Variants in ANKRD44 observed in about 807,000 individuals in gnomAD.
The protein encoded by ANKRD44 is ankyrin repeat domain 44, also known as serine/threonine-protein phosphatase 6 regulatory ankyrin repeat subunit B.
A neutral mutation model predicts 116.0 loss-of-function variants in ANKRD44; 35 were observed. The ratio of observed to expected loss-of-function variants is 0.30; its 90% CI spans 0.23 to 0.40. ANKRD44 has a LOEUF of 0.40. ANKRD44 is among the 10% of genes least tolerant of loss of function. The pLI, the probability that ANKRD44 is intolerant of heterozygous loss-of-function variation, is 1.00. For synonymous variants in ANKRD44, 435 were observed against 461.8 expected (o/e 0.94, Z 0.74); for missense variants, 1,014 against 1,242.6 (o/e 0.82, Z 2.77).
rs775989103 is a variant in ANKRD44, at chr2:197,007,910, G to C, written c.2026C>G (p.Leu676Val). The change falls in exon 20 of 28, where the codon CTT (leucine) becomes GTT (valine). Residue 676 changes from leucine (L) to valine (V), a missense_variant. Transcript: ENST00000282272. Reference protein sequence around the residue: ...KDAKGQTPLMLAVAYGHIDAV... With the variant: ...KDAKGQTPLMVAVAYGHIDAV... Reference sequence around the variant, plus strand: ...TCAATATGTCCATATGCTACTGCAAGCATCAGTGGTGTTCTAGGCAGAGAG... The same window carrying C: ...TCAATATGTCCATATGCTACTGCAACCATCAGTGGTGTTCTAGGCAGAGAG... The C allele has an allele frequency of 2.5e-6, 4 of 1,613,396 alleles. No homozygotes were observed. The highest frequency in any genetic ancestry group is 3.4e-6 in the Non-Finnish European group (4 of 1,179,450).
At chr2:197,051,785 TTGGCAGTG>T (rs1559022783) in intron 16 of ANKRD44, among the ~76,000 whole-genome samples, 1 of 152,032 alleles carries the variant, frequency 6.6e-6, no homozygotes, top group East Asian at 1.9e-4. Context: ...TAGGGGACAT[TTGGCAGTG>T]TCTGGAGTAA....
chr2:197,266,527 T>C (rs1229043493), intron 1 of ANKRD44, among the ~76,000 whole-genome samples: 2 of 151,698 alleles, frequency 1.3e-5, no homozygotes, highest in Non-Finnish European at 2.9e-5. Context: ...ATATTTAAAA[T>C]TTTGGCATTT....
rs1251660361 is a variant in ANKRD44 at position 197,136,670 on chromosome 2, C to T, written c.191-8G>A. 1 of 1,613,990 alleles carries T rather than the reference C, an allele frequency of 6.2e-7. No individual in the cohort carries two copies. Among genetic ancestry groups the T allele is most frequent in the African/African-American group, 1.3e-5 (1 of 75,038 alleles). ...TGGCATTTACACGAGCTCCTGGAATCAAACAGCACAAGTTAGAGGCATAAT... is the reference window on the plus strand; with the variant it reads ...TGGCATTTACACGAGCTCCTGGAATTAAACAGCACAAGTTAGAGGCATAAT... On this transcript the variant is annotated splice_region_variant and splice_polypyrimidine_tract_variant and intron_variant, in intron 3 of 27. Transcript: ENST00000282272.
chr2:197,256,141 T>C (rs936867278), intron 1 of ANKRD44, among the ~76,000 whole-genome samples: 16 of 152,216 alleles, frequency 1.1e-4, no homozygotes, highest in Non-Finnish European at 2.1e-4. Context: ...TCAAACCATT[T>C]TCATTTAATG....
At chr2:196,996,187 G>T (rs1231982096) in intron 25 of ANKRD44, among the ~76,000 whole-genome samples, 1 of 152,166 alleles carries the variant, frequency 6.6e-6, no homozygotes, top group Non-Finnish European at 1.5e-5. Flanking sequence ...TGAATCTCAA[G>T]CTCTGCCCCA....
chr2:197,082,571 G>A (rs2077823243), intron 14 of ANKRD44, among the ~76,000 whole-genome samples: 1 of 152,120 alleles, frequency 6.6e-6, no homozygotes, highest in African/African-American at 2.4e-5. Flanking sequence ...ATATGTGAAT[G>A]TGCATATGGG....
In ANKRD44 at chr2:196,988,972, T is replaced by A. The variant is rs1019741938; in HGVS notation, c.*619A>T. ...AGGGCATCCAGACTGCAATGTCTTC[T>A]AAGCTCTAAGCTGGCTACAGACTGT... On this transcript the variant is annotated 3_prime_UTR_variant, in exon 28 of 28. Coordinates refer to ENST00000282272, the MANE Select transcript of ANKRD44 (RefSeq NM_001195144.2). 1 of 985,342 alleles carries A rather than the reference T, an allele frequency of 1.0e-6. No individual in the cohort carries two copies. Among genetic ancestry groups the A allele is most frequent in the African/African-American group, 1.7e-5 (1 of 57,248 alleles). 61.0% of individuals were successfully genotyped at this position (985,342 alleles called of 1,614,324 possible).
At chr2:196,979,870 G>A (rs2075788568) in intron 21 of ANKRD44, among the ~76,000 whole-genome samples, 1 of 151,964 alleles carries the variant, frequency 6.6e-6, no homozygotes, top group Admixed American at 6.6e-5. Flanking sequence ...CCAATAAGGT[G>A]ATTTTTATTT....
chr2:197,144,240 A>G (rs534220748), intron 3 of ANKRD44, among the ~76,000 whole-genome samples: 5 of 152,364 alleles, frequency 3.3e-5, no homozygotes, highest in Admixed American at 1.3e-4. Context: ...GAATTTAGCA[A>G]GCTTGGGTTA....
chr2:197,026,049 A>ACAAC (rs2076587204), intron 16 of ANKRD44, among the ~76,000 whole-genome samples: 2 of 109,788 alleles, frequency 1.8e-5, no homozygotes, highest in South Asian at 4.9e-4. Context: ...AAAAGAAACA[A>ACAAC]AAAAAAAAAA....
In ANKRD44 at chr2:197,099,836, G is replaced by A; in HGVS notation, c.1080C>T (p.Thr360=). 1 of 1,614,106 alleles carries A rather than the reference G, an allele frequency of 6.2e-7. No individual in the cohort carries two copies. The highest frequency in any genetic ancestry group is 1.1e-5 in the South Asian group (1 of 91,076). Residue 360 remains threonine, a synonymous_variant, in exon 10 of 28, where the codon ACC becomes ACT. Coordinates refer to ENST00000282272, the MANE Select transcript of ANKRD44 (RefSeq NM_001195144.2). ...CCTACTTGGCTGTGTCAGCTCCGCTGGTTATTAAGGTGTTAATCAAAAGCT... is the reference window on the plus strand; with the variant it reads ...CCTACTTGGCTGTGTCAGCTCCGCTAGTTATTAAGGTGTTAATCAAAAGCT... The part of the protein sequence containing the change: ...GHELLINTLI[T]SGADTAKCGI...
At chr2:197,290,844 T>G (rs554134406) in intron 1 of ANKRD44, among the ~76,000 whole-genome samples, 1 of 152,228 alleles carries the variant, frequency 6.6e-6, no homozygotes, top group East Asian at 1.9e-4. Context: ...AGATGGAGTC[T>G]CAGTCCAGCC....
chr2:197,034,071 A>AGAGAGAGAGAGAAT (rs2076761970), intron 16 of ANKRD44, among the ~76,000 whole-genome samples: 1 of 151,774 alleles, frequency 6.6e-6, no homozygotes, highest in Non-Finnish European at 1.5e-5. Flanking sequence ...AGAGAGAGAG[A>AGAGAGAGAGAGAAT]GAGAGAGAGA....
chr2:197,238,970 G>C (rs1297225349), intron 1 of ANKRD44, among the ~76,000 whole-genome samples: 1 of 151,968 alleles, frequency 6.6e-6, no homozygotes, highest in Non-Finnish European at 1.5e-5. Flanking sequence ...CCCCCAACCC[G>C]CCTGCCCTGT....
At chr2:197,173,998 A>C (rs973534372) in intron 2 of ANKRD44, among the ~76,000 whole-genome samples, 2 of 152,206 alleles carry the variant, frequency 1.3e-5, no homozygotes, top group African/African-American at 2.4e-5. Context: ...GCGCTACTGC[A>C]CTCCAGCCTG....
At chr2:197,264,476 C>G (rs563814020) in intron 1 of ANKRD44, among the ~76,000 whole-genome samples, 48 of 152,342 alleles carry the variant, frequency 3.2e-4, no homozygotes, top group Admixed American at 3.0e-3. Flanking sequence ...ATGTTTTCAG[C>G]AGGCACTGTC....
At chr2:197,220,987 C>T (rs1259061749) in intron 1 of ANKRD44, among the ~76,000 whole-genome samples, 6 of 152,152 alleles carry the variant, frequency 3.9e-5, no homozygotes, top group South Asian at 4.1e-4. Flanking sequence ...CAGTGGCTCA[C>T]GCCTGTAATC....
chr2:197,248,009 C>T (rs2082229691), intron 1 of ANKRD44, among the ~76,000 whole-genome samples: 1 of 152,162 alleles, frequency 6.6e-6, no homozygotes. Flanking sequence ...CATCATTCCC[C>T]TTCCCACCTC....
At chr2:196,996,902 C>CAAAAAA (rs55760106) in intron 25 of ANKRD44, among the ~76,000 whole-genome samples, 1 of 88,968 alleles carries the variant, frequency 1.1e-5, no homozygotes, top group African/African-American at 4.3e-5. Context: ...GACTCTGCCT[C>CAAAAAA]AAAAAAAAAA....
Sources: allele counts gnomAD v4.1 joint callset (sites outside exome capture counted in the v4.1 genomes callset), GRCh38; gene constraint gnomAD v4.1.1; transcripts MANE v1.5; gene names NCBI Gene and HGNC (gene_info 2026-07-23, HGNC 2026-07-21).